GRIK4: variants seen among roughly 807,000 people sequenced by gnomAD.
The protein encoded by GRIK4 is glutamate receptor ionotropic, kainate 4.
In GRIK4, 40 loss-of-function variants were observed where a neutral mutation model predicts 104.9. The observed-to-expected ratio is 0.38, with a 90% CI of 0.30 to 0.50. The LOEUF (loss-of-function observed/expected upper bound fraction) is 0.50. Ranked by LOEUF, GRIK4 falls within the 20% of genes least tolerant of loss-of-function variation. The pLI is 0.93. For missense variants in GRIK4, 1,047 were observed against 1,308.1 expected (o/e 0.80, Z 3.08); for synonymous variants, 485 against 524.9 (o/e 0.92, Z 1.04).
intron 3 of GRIK4, among the ~76,000 whole-genome samples, chr11:120,689,245 T>C (rs1048995677): frequency 6.6e-6 from 1 of 152,058 alleles, no homozygotes; most frequent in Non-Finnish European, 1.5e-5. Context: ...CTTACCCTCG[T>C]CGAGCCTTCA....
chr11:120,705,412 G>A (rs1240193557), intron 3 of GRIK4, among the ~76,000 whole-genome samples: 2 of 152,026 alleles, frequency 1.3e-5, no homozygotes, highest in Non-Finnish European at 2.9e-5. Flanking sequence ...TTTTAGTAGA[G>A]ACAAGGTTTC....
intron 3 of GRIK4, among the ~76,000 whole-genome samples, chr11:120,730,793 T>A (rs1236638420): frequency 1.3e-5 from 2 of 152,198 alleles, no homozygotes; most frequent in East Asian, 3.8e-4. Flanking sequence ...TTTAGTTAAA[T>A]TAATTCATAG....
chr11:120,701,395 G>T (rs1209219987), intron 3 of GRIK4, among the ~76,000 whole-genome samples: 1 of 152,092 alleles, frequency 6.6e-6, no homozygotes, highest in Non-Finnish European at 1.5e-5. Context: ...TCTGTGTCTA[G>T]CTTATTTCAC....
intron 1 of GRIK4, among the ~76,000 whole-genome samples, chr11:120,562,663 T>A (rs1217901067): frequency 6.6e-6 from 1 of 152,010 alleles, no homozygotes; most frequent in Non-Finnish European, 1.5e-5. Flanking sequence ...AGTGATCAGT[T>A]CATGGGGGGC....
At chr11:120,824,456 T>C (rs982479355) in intron 6 of GRIK4, among the ~76,000 whole-genome samples, 8 of 152,132 alleles carry the variant, frequency 5.3e-5, no homozygotes, top group Admixed American at 5.2e-4. Flanking sequence ...GACCTCAGGC[T>C]GGGCCCGAAG....
intron 3 of GRIK4, among the ~76,000 whole-genome samples, chr11:120,740,539 G>A (rs553005070): frequency 9.9e-5 from 15 of 152,264 alleles, no homozygotes; most frequent in African/African-American, 3.4e-4. Flanking sequence ...ACCCATATAG[G>A]GCCCCAGCTG....
intron 1 of GRIK4, among the ~76,000 whole-genome samples, chr11:120,633,381 ACT>A: frequency 6.6e-6 from 1 of 151,918 alleles, no homozygotes; most frequent in Admixed American, 6.5e-5. Flanking sequence ...GATAAAGAGG[ACT>A]CTCTGCAGAC....
chr11:120,685,088 G>T (rs2135296037), intron 3 of GRIK4, among the ~76,000 whole-genome samples: 1 of 152,328 alleles, frequency 6.6e-6, no homozygotes, highest in South Asian at 2.1e-4. Flanking sequence ...ATTTAGATCT[G>T]CTGCCATCTG....
At chr11:120,815,089 T>A (rs914589136) in intron 4 of GRIK4, among the ~76,000 whole-genome samples, 5 of 152,248 alleles carry the variant, frequency 3.3e-5, no homozygotes, top group Non-Finnish European at 5.9e-5. Flanking sequence ...TGTCCTTCTG[T>A]GACAGTCCAG....
intron 3 of GRIK4, 62 bp downstream of exon 3, chr11:120,660,462 A>ACC: frequency 1.6e-6 from 2 of 1,274,698 alleles, no homozygotes; most frequent in Non-Finnish European, 2.3e-6. Context: ...CACAAGGGAC[A>ACC]TGAGAGTGCT....
chr11:120,668,057 T>C (rs1212304378), intron 3 of GRIK4, among the ~76,000 whole-genome samples: 1 of 151,980 alleles, frequency 6.6e-6, no homozygotes, highest in Non-Finnish European at 1.5e-5. Flanking sequence ...CCCTCCATCC[T>C]GGGTGACAGA....
At position 120,987,185 on chromosome 11, in the gene GRIK4, G is replaced by GTT. The variant is rs1565479197; in HGVS notation, c.*925_*926insTT. On this transcript the variant is annotated 3_prime_UTR_variant, in exon 21 of 21. Transcript: ENST00000527524. ...GACAGACAGGGGAGGAGAACAGAAT[G>GTT]CACAAAGTATCCTAGGACTTTGTTT... 6.6e-6 allele frequency: 1 copy of GTT among 152,260 alleles called. No individual in the cohort carries two copies. 9.4% of individuals were successfully genotyped at this position (152,260 alleles called of 1,614,324 possible). A position where few individuals can be genotyped will look rare whatever the true frequency, so the allele number is the denominator to read the frequency against.
At chr11:120,832,763 C>T (rs1953462465) in intron 7 of GRIK4, among the ~76,000 whole-genome samples, 1 of 152,166 alleles carries the variant, frequency 6.6e-6, no homozygotes, top group Non-Finnish European at 1.5e-5. Flanking sequence ...GAGGCTGATC[C>T]AAGAGAGAGA....
intron 3 of GRIK4, among the ~76,000 whole-genome samples, chr11:120,712,686 G>A (rs572645240): frequency 4.0e-5 from 6 of 151,626 alleles, no homozygotes; most frequent in South Asian, 2.1e-4. Flanking sequence ...CTGCCTGGTC[G>A]TCAGTTTTTC....
chr11:120,820,950 G>A (rs912006141), intron 6 of GRIK4, among the ~76,000 whole-genome samples: 2 of 152,220 alleles, frequency 1.3e-5, no homozygotes, highest in African/African-American at 4.8e-5. Context: ...AAGAAATCAA[G>A]GAACTGAGTT....
chr11:120,684,175 T>A (rs1309581020), intron 3 of GRIK4, among the ~76,000 whole-genome samples: 1 of 151,742 alleles, frequency 6.6e-6, no homozygotes, highest in Non-Finnish European at 1.5e-5. Flanking sequence ...AAAATAAAAT[T>A]AGTTGGGCGT....
At chr11:120,708,060 A>G (rs1404285427) in intron 3 of GRIK4, among the ~76,000 whole-genome samples, 3 of 152,236 alleles carry the variant, frequency 2.0e-5, no homozygotes, top group Non-Finnish European at 4.4e-5. Context: ...CCAGAGACAC[A>G]TCATAAGAAT....
rs1470992416 is a variant in GRIK4 at position 120,953,329 on chromosome 11, G to A, written c.1700+365G>A. ...AGGAAGATGACTCTCATTAAGCACT[G>A]TGCATTTGGCTGCCCTGGCATCAGT... is the stretch of plus-strand genomic sequence containing the variant. On this transcript the variant is annotated intron_variant, in intron 15 of 20. Transcript: ENST00000527524. The surrounding 1 kb of genome is among the most constrained non-coding windows in gnomAD (Gnocchi z 4.9). Among the ~76,000 whole-genome samples the A allele has an allele frequency of 6.6e-6, 1 of 152,180 alleles. No individual in the cohort carries two copies. The highest frequency in any genetic ancestry group is 1.9e-4 in the East Asian group (1 of 5,196).
At chr11:120,968,460 G>GA (rs761850856) in intron 19 of GRIK4, among the ~76,000 whole-genome samples, 2 of 152,162 alleles carry the variant, frequency 1.3e-5, no homozygotes, top group Non-Finnish European at 2.9e-5. Flanking sequence ...TAGGATGAAG[G>GA]ATATCATGTG....
Sources: allele counts gnomAD v4.1 joint callset (sites outside exome capture counted in the v4.1 genomes callset), GRCh38; gene constraint gnomAD v4.1.1; non-coding constraint Gnocchi (gnomAD v3.1); transcripts MANE v1.5; gene names NCBI Gene and HGNC (gene_info 2026-07-23, HGNC 2026-07-21).